The following PHF6 variants were observed in gnomAD, a reference collection of about 807,000 sequenced individuals.
PHF6 encodes the protein PHD-like zinc finger protein.
Under a neutral mutation model 34.0 loss-of-function variants are expected in PHF6, and 7 were observed. The observed-to-expected ratio is 0.21, with a 90% confidence interval of 0.12 to 0.39. The LOEUF (loss-of-function observed/expected upper bound fraction) is 0.39, where lower values mean the gene tolerates loss of function less well. PHF6 is among the 10% of genes least tolerant of loss of function. PHF6 has a pLI of 1.00. For synonymous variants in PHF6, 89 were observed against 88.4 expected (o/e 1.01, Z -0.04); for missense variants, 128 against 262.8 (o/e 0.49, Z 3.55).
rs896385328 is a variant in PHF6 at position 134,404,035 on chromosome X, G to A, written c.419-9456G>A. On this transcript the variant is annotated intron_variant, in intron 5 of 10. Transcript: ENST00000370803. ...TACAGCATTCATTCCGCAGTTCTTA[G>A]AGCCCGTGGATCAAGGAGTACTTTG... Among the ~76,000 whole-genome samples the A allele has an allele frequency of 7.1e-5, 8 of 112,074 alleles. No individual in the cohort carries two copies. In the South Asian group the frequency reaches 1.1e-3, roughly 16 times the overall value.
chrX:134,421,244 AAGGTCTCCTTCCACATATGTGTGTGT>A (rs1315848773), intron 9 of PHF6, among the ~76,000 whole-genome samples: 5 of 111,176 alleles, frequency 4.5e-5, no homozygotes, highest in Non-Finnish European at 9.4e-5. Flanking sequence ...ACCCCTCCTT[AAGGTCTCCTTCCACATATGTGTGTGT>A]AGGTCTCCTT....
intron 5 of PHF6, among the ~76,000 whole-genome samples, chrX:134,406,218 T>A (rs1011301612): frequency 9.1e-6 from 1 of 109,929 alleles, no homozygotes; most frequent in Non-Finnish European, 1.9e-5. Flanking sequence ...ACACAAGATA[T>A]GCCAAGAGTA....
intron 3 of PHF6, among the ~76,000 whole-genome samples, chrX:134,386,269 A>G (rs985430648): frequency 3.1e-4 from 35 of 111,937 alleles, no homozygotes; most frequent in African/African-American, 1.0e-3. Context: ...GCTTTCTGCA[A>G]TCACAGAAGC....
intron 9 of PHF6, among the ~76,000 whole-genome samples, chrX:134,423,435 G>A (rs991717171): frequency 2.7e-5 from 3 of 111,801 alleles, no homozygotes; most frequent in Admixed American, 9.5e-5. Context: ...TAAACTAGAG[G>A]TTGGTTCAGA....
At chrX:134,373,709 G>A (rs1163113239) in intron 1 of PHF6, among the ~76,000 whole-genome samples, 1 of 111,993 alleles carries the variant, frequency 8.9e-6, no homozygotes, top group Non-Finnish European at 1.9e-5. Flanking sequence ...TCGGGGGAGG[G>A]GGCGCAACAT....
At chrX:134,402,002 GT>G (rs1248845297) in intron 5 of PHF6, among the ~76,000 whole-genome samples, 1 of 102,589 alleles carries the variant, frequency 9.7e-6, no homozygotes, top group African/African-American at 3.7e-5. Context: ...TTGTTTGTTT[GT>G]TTTTTTGGTT....
chrX:134,412,394 A>G (rs1443669685), intron 5 of PHF6, among the ~76,000 whole-genome samples: 1 of 111,856 alleles, frequency 8.9e-6, no homozygotes, highest in African/African-American at 3.2e-5. Context: ...CTTTTCTTAT[A>G]ATAAATGTGC....
chrX:134,413,699 A>G, intron 6 of PHF6, 42 bp downstream of exon 6: 1 of 1,199,292 alleles, frequency 8.3e-7, no homozygotes, highest in South Asian at 1.8e-5. Context: ...TTGTTGCACC[A>G]TGAATATTTC....
chrX:134,380,533 T>G (rs916047776), intron 3 of PHF6, among the ~76,000 whole-genome samples: 1 of 111,363 alleles, frequency 9.0e-6, no homozygotes, highest in African/African-American at 3.3e-5. Context: ...GATAATTTTT[T>G]CCCCAAATGT....
At chrX:134,407,942 T>A (rs1395771767) in intron 5 of PHF6, among the ~76,000 whole-genome samples, 7 of 111,741 alleles carry the variant, frequency 6.3e-5, no homozygotes, top group Non-Finnish European at 1.3e-4. Flanking sequence ...TTTTTTTACA[T>A]TTTTATTTTG....
chrX:134,384,941 G>A (rs1285177615), intron 3 of PHF6, among the ~76,000 whole-genome samples: 3 of 111,750 alleles, frequency 2.7e-5, no homozygotes, highest in Non-Finnish European at 5.6e-5. Flanking sequence ...GTGAGCCACT[G>A]CGCCCAGCCT....
Position 134,418,855 on chromosome X carries a change from T to C in PHF6, c.968+1553T>C, listed in dbSNP as rs1238900173. The C allele has an allele frequency of 4.6e-5, 5 of 108,335 alleles. No homozygotes were observed. In the Admixed American group the frequency reaches 5.0e-4, roughly 11 times the overall value. The allele number at this position is 108,335 out of a possible 1,213,427, so 8.9% of individuals were successfully genotyped here. On this transcript the variant is annotated intron_variant, in intron 9 of 10. Coordinates refer to ENST00000370803, the MANE Select transcript of PHF6 (RefSeq NM_001015877.2). ...CAATCTCCCCTTTTTTTTTTTTTTTTACTTTGAGACAGGATCTGACTCTGT... is the reference window on the plus strand; with the variant it reads ...CAATCTCCCCTTTTTTTTTTTTTTTCACTTTGAGACAGGATCTGACTCTGT...
chrX:134,415,367 C>T (rs946574012), intron 8 of PHF6: 24 of 428,290 alleles, frequency 5.6e-5, no homozygotes, highest in Non-Finnish European at 3.9e-6. Flanking sequence ...AAGGCATTTG[C>T]AAGCCGTTTA....
rs111406782 is a variant in PHF6 at position 134,400,148 on chromosome X, G to A, written c.418+6196G>A. Among the ~76,000 whole-genome samples, 834 of 111,069 alleles carry A rather than the reference G, an allele frequency of 7.5e-3. 5 individuals carry two copies. The highest frequency in any genetic ancestry group is 0.026 in the African/African-American group (793 of 30,586). On this transcript the variant is annotated intron_variant, in intron 5 of 10. Transcript: ENST00000370803. The stretch of plus-strand genomic sequence containing the variant: ...GGCTGGAATCCAGTGGCTCAATCAC[G>A]GCTTACTGCAGCCTCAACCTCCCAG...
chrX:134,417,230 A>G lies in PHF6; in HGVS notation c.896A>G (p.Lys299Arg), dbSNP rs2077475469. The G allele has an allele frequency of 5.0e-6, 6 of 1,208,743 alleles. No homozygotes were observed. The highest frequency in any genetic ancestry group is 6.7e-6 in the Non-Finnish European group (6 of 892,690). The change falls in exon 9 of 11, where the codon AAG becomes AGG. Residue 299 changes from lysine to arginine, a missense_variant. Physicochemically the swap from Lys to Arg is conservative, Grantham distance 26. Transcript: ENST00000370803. ...GGATGTGAAATAAAAGCCTGTGTTA[A>G]GACTTACCATTACCACTGTGGAGTA... ...TIGCEIKACVKTYHYHCGVQD... is the reference protein window; with the variant it reads ...TIGCEIKACVRTYHYHCGVQD...
intron 5 of PHF6, among the ~76,000 whole-genome samples, chrX:134,412,897 T>C (rs963776976): frequency 8.9e-6 from 1 of 112,008 alleles, no homozygotes; most frequent in African/African-American, 3.2e-5. Context: ...GACTTCCTTG[T>C]TGAATTTGTT....
intron 3 of PHF6, among the ~76,000 whole-genome samples, chrX:134,392,329 G>A (rs1462309508): frequency 8.9e-6 from 1 of 112,030 alleles, no homozygotes; most frequent in Non-Finnish European, 1.9e-5. Context: ...TTAGCTTGTT[G>A]TGAATCTATT....
At chrX:134,380,086 A>G (rs1412339676) in intron 3 of PHF6, among the ~76,000 whole-genome samples, 1 of 111,413 alleles carries the variant, frequency 9.0e-6, no homozygotes, top group African/African-American at 3.3e-5. Context: ...GTTACACTAC[A>G]TGAAGCAACA....
chrX:134,389,955 A>G (rs1240943710), intron 3 of PHF6, among the ~76,000 whole-genome samples: 1 of 111,820 alleles, frequency 8.9e-6, no homozygotes, highest in Non-Finnish European at 1.9e-5. Flanking sequence ...TGTAAGGCAC[A>G]GTGTTACTCT....
Sources: allele counts gnomAD v4.1 joint callset (sites outside exome capture counted in the v4.1 genomes callset), GRCh38; gene constraint gnomAD v4.1.1; transcripts MANE v1.5; gene names NCBI Gene and HGNC (gene_info 2026-07-23, HGNC 2026-07-21).